TDRP: variants seen among roughly 807,000 people sequenced by gnomAD.
The protein encoded by TDRP is testis development related protein.
TDRP carries 12 observed loss-of-function variants against 10.5 expected under a neutral mutation model. The ratio of observed to expected loss-of-function variants is 1.15; its 90% CI spans 0.73 to 1.86. The LOEUF (loss-of-function observed/expected upper bound fraction) is 1.86, where lower values mean the gene tolerates loss of function less well. Among genes scored for constraint, TDRP ranks in the 40% most tolerant of loss-of-function variants. The pLI is 0.00. For missense variants in TDRP, 353 were observed against 229.2 expected (o/e 1.54, Z -3.49); for synonymous variants, 139 against 95.4 (o/e 1.46, Z -2.67).
In TDRP at chr8:501,567, G is replaced by C. The variant is rs576868277; in HGVS notation, c.109-6970C>G. Among the ~76,000 whole-genome samples, 14 of 152,138 alleles carry C rather than the reference G, an allele frequency of 9.2e-5. No individual in the cohort carries two copies. In the South Asian group the frequency reaches 1.0e-3, roughly 11 times the overall value. On this transcript the variant is annotated intron_variant, in intron 1 of 2. Transcript: ENST00000324079. ...TCACTATGTTGGCCCGGCTGGTCTC[G>C]AACTCCTGCCCTCAAGCGATCCAAC...
rs561652759 is a variant in TDRP, at chr8:541,894, C to T, written c.108+2756G>A. The stretch of plus-strand genomic sequence containing the variant: ...CTCACCATGCAATCCAGCAATCAGG[C>T]TCCTAGGTATTTACCCAAGTTGGAA... On this transcript the variant is annotated intron_variant, in intron 1 of 2. Coordinates refer to ENST00000324079, the MANE Select transcript of TDRP (RefSeq NM_001384899.1). Among the ~76,000 whole-genome samples, 332 of 152,294 alleles carry T rather than the reference C, an allele frequency of 2.2e-3. 1 individual carries two copies. Among genetic ancestry groups the T allele is most frequent in the African/African-American group, 7.6e-3 (314 of 41,556 alleles).
chr8:507,339 T>C (rs556643563), intron 1 of TDRP, among the ~76,000 whole-genome samples: 36 of 152,152 alleles, frequency 2.4e-4, no homozygotes, highest in Non-Finnish European at 1.5e-5. Flanking sequence ...GCTGCTGGCT[T>C]TCAGGGAAGA....
intron 1 of TDRP, among the ~76,000 whole-genome samples, chr8:497,081 C>A (rs556869493): frequency 5.5e-4 from 83 of 152,148 alleles, no homozygotes; most frequent in African/African-American, 1.6e-3. Flanking sequence ...AGAATTGGTA[C>A]GAGAGGAGTG....
At position 492,513 on chromosome 8, in the gene TDRP, G is replaced by C; in HGVS notation, c.444C>G (p.Ser148Arg). 6.2e-7 allele frequency: 1 copy of C among 1,610,724 alleles called. No homozygotes were observed. The highest frequency in any genetic ancestry group is 2.2e-5 in the East Asian group (1 of 44,776). Residue 148 changes from serine to arginine, a missense_variant, in exon 3 of 3, where the codon AGC (serine) becomes AGG (arginine). Transcript: ENST00000324079. The stretch of plus-strand genomic sequence containing the variant: ...TGGAGCTGTTGGCAGAGCTGGCCAG[G>C]CTGGTGTACTTGGTCGAGCCCTTGG... ...DDAKGSTKYT[S>R]LASSANSSRW... is the part of the protein sequence containing the mutation.
chr8:534,159 G>A (rs555793085), intron 1 of TDRP, among the ~76,000 whole-genome samples: 1 of 152,236 alleles, frequency 6.6e-6, no homozygotes, highest in East Asian at 1.9e-4. Context: ...AATTCCTACT[G>A]GTGGCTACTA....
chr8:535,106 C>G lies in TDRP; in HGVS notation c.108+9544G>C, dbSNP rs529929953. Among the ~76,000 whole-genome samples the G allele has an allele frequency of 6.6e-5, 10 of 152,264 alleles. No individual in the cohort carries two copies. In the South Asian group the frequency reaches 2.1e-3, roughly 32 times the overall value. Reference sequence around the variant, plus strand: ...ATTTTTGTACAGAATATTGTACTTCCATCTGAAAGATTAGAAAGCTACATC... The same window carrying G: ...ATTTTTGTACAGAATATTGTACTTCGATCTGAAAGATTAGAAAGCTACATC... On this transcript the variant is annotated intron_variant, in intron 1 of 2. Coordinates refer to ENST00000324079, the MANE Select transcript of TDRP (RefSeq NM_001384899.1).
intron 1 of TDRP, among the ~76,000 whole-genome samples, chr8:524,245 G>A (rs953949338): frequency 6.6e-6 from 1 of 152,200 alleles, no homozygotes; most frequent in Non-Finnish European, 1.5e-5. Flanking sequence ...TGGGCTTGGG[G>A]TGCCCCTAAT....
chr8:497,914 C>T (rs984050469), intron 1 of TDRP, among the ~76,000 whole-genome samples: 2 of 152,160 alleles, frequency 1.3e-5, no homozygotes, highest in African/African-American at 2.4e-5. Context: ...GGTGCAAAGC[C>T]CAAGCCTTGG....
At position 492,717 on chromosome 8, in the gene TDRP, C is replaced by T; in HGVS notation, c.240G>A (p.Leu80=). The T allele has an allele frequency of 6.2e-7, 1 of 1,612,708 alleles. No homozygotes were observed. ...KGTNLRLKEE[L]KAEKKSGFWD... ...AAAATCCAGATTTCTTCTCTGCCTT[C>T]AACTCTTCTTTTAATCGTAAGTTAG... The change falls in exon 3 of 3, where the codon TTG becomes TTA. Residue 80 remains leucine (L), a synonymous_variant. Transcript: ENST00000324079.
At chr8:529,259 C>G (rs1274429566) in intron 1 of TDRP, among the ~76,000 whole-genome samples, 1 of 152,088 alleles carries the variant, frequency 6.6e-6, no homozygotes, top group African/African-American at 2.4e-5. Context: ...ACCATCACAT[C>G]CCCTAAATAT....
At chr8:510,071 G>A (rs1214660890) in intron 1 of TDRP, among the ~76,000 whole-genome samples, 1 of 152,188 alleles carries the variant, frequency 6.6e-6, no homozygotes, top group Non-Finnish European at 1.5e-5. Context: ...CCACTCCCCA[G>A]GGAATCAGGG....
chr8:538,506 G>A (rs1802410428), intron 1 of TDRP, among the ~76,000 whole-genome samples: 1 of 152,176 alleles, frequency 6.6e-6, no homozygotes, highest in Non-Finnish European at 1.5e-5. Flanking sequence ...AAACACTAGT[G>A]ATAGCTCTAT....
Position 520,191 on chromosome 8 carries a change from T to G in TDRP, c.108+24459A>C, listed in dbSNP as rs77103073. 1.7e-3 allele frequency among the ~76,000 whole-genome samples: 262 copies of G among 152,346 alleles called. 2 individuals carry two copies. The highest frequency in any genetic ancestry group is 2.0e-3 in the Non-Finnish European group (139 of 68,034). On this transcript the variant is annotated intron_variant, in intron 1 of 2. Transcript: ENST00000324079. ...GACTACTTTCAATACCTCATGTAAG[T>G]AGAACCACGCATTAGTTGTTTTTTT...
upstream of TDRP, among the ~76,000 whole-genome samples, chr8:545,359 C>A (rs1286531749): frequency 7.2e-6 from 1 of 138,962 alleles, no homozygotes; most frequent in Admixed American, 7.0e-5. Flanking sequence ...CTCCTCTACC[C>A]CCGAGCCCCC....
chr8:543,182 C>T (rs1029851142), intron 1 of TDRP, among the ~76,000 whole-genome samples: 3 of 151,974 alleles, frequency 2.0e-5, no homozygotes, highest in Non-Finnish European at 4.4e-5. Flanking sequence ...TGAGGTGGTG[C>T]GCACTTGTAG....
At chr8:541,720 A>G (rs1230645610) in intron 1 of TDRP, among the ~76,000 whole-genome samples, 2 of 152,212 alleles carry the variant, frequency 1.3e-5, no homozygotes, top group African/African-American at 4.8e-5. Flanking sequence ...CCACACACCT[A>G]CTAGGATGGA....
In TDRP at chr8:490,351, G is replaced by C. The variant is rs1322916420; in HGVS notation, c.*2048C>G. On this transcript the variant is annotated 3_prime_UTR_variant, in exon 3 of 3. Coordinates refer to ENST00000324079, the MANE Select transcript of TDRP (RefSeq NM_001384899.1). Reference sequence around the variant, plus strand: ...CAATCTGGGTTTGTCCTCAAATTTTGAGAAATAGCATAAAGAACTATTTTG... The same window carrying C: ...CAATCTGGGTTTGTCCTCAAATTTTCAGAAATAGCATAAAGAACTATTTTG... 2 of 152,266 alleles carry C rather than the reference G, an allele frequency of 1.3e-5. No homozygotes were observed. The highest frequency in any genetic ancestry group is 3.9e-4 in the East Asian group (2 of 5,188). The allele number at this position is 152,266 out of a possible 1,614,324, so 9.4% of individuals were successfully genotyped here.
chr8:528,952 C>T (rs1027525342), intron 1 of TDRP, among the ~76,000 whole-genome samples: 2 of 152,104 alleles, frequency 1.3e-5, no homozygotes, highest in Admixed American at 6.6e-5. Context: ...GAAGCCAGTC[C>T]GAGTCCCAAA....
At chr8:498,681 C>T (rs181469336) in intron 1 of TDRP, among the ~76,000 whole-genome samples, 13 of 152,214 alleles carry the variant, frequency 8.5e-5, no homozygotes, top group Middle Eastern at 6.8e-3. Context: ...AAGAACATTA[C>T]ATTTGGGAGG....
Sources: allele counts gnomAD v4.1 joint callset (sites outside exome capture counted in the v4.1 genomes callset), GRCh38; gene constraint gnomAD v4.1.1; transcripts MANE v1.5; gene names NCBI Gene and HGNC (gene_info 2026-07-23, HGNC 2026-07-21).